Variants in NCKAP1L observed in about 807,000 individuals in gnomAD.
NCKAP1L encodes the protein nck-associated protein 1-like.
In NCKAP1L, 53 loss-of-function variants were observed where a neutral mutation model predicts 139.2. The observed-to-expected ratio is 0.38, with a 90% confidence interval of 0.31 to 0.48. The LOEUF is 0.48. Ranked by LOEUF, NCKAP1L falls within the 20% of genes least tolerant of loss-of-function variation. NCKAP1L has a pLI of 0.98. For synonymous variants in NCKAP1L, 468 were observed against 499.7 expected (o/e 0.94, Z 0.85); for missense variants, 1,151 against 1,381.9 (o/e 0.83, Z 2.65).
intron 4 of NCKAP1L, 121 bp from the exon 5 acceptor site, chr12:54,508,268 T>A: frequency 9.5e-7 from 1 of 1,057,062 alleles, no homozygotes; most frequent in South Asian, 1.6e-5. Context: ...TCCTGTCAGT[T>A]CCTACTTCTA....
chr12:54,518,688 T>G lies in NCKAP1L; in HGVS notation c.1376T>G (p.Met459Arg). The G allele has an allele frequency of 6.2e-7, 1 of 1,614,166 alleles. No individual in the cohort carries two copies. The highest frequency in any genetic ancestry group is 8.5e-7 in the Non-Finnish European group (1 of 1,179,988). Residue 459 changes from methionine to arginine, a missense_variant, in exon 14 of 31, where the codon ATG becomes AGG. Met to Arg is a moderately conservative substitution (Grantham distance 91). Coordinates refer to ENST00000293373, the MANE Select transcript of NCKAP1L (RefSeq NM_005337.5). ...TGTCCAGAGGAGGAGTCCATCATCA[T>G]GTCCTCATTCGTCAGTATCCTCTCC... ...SVCPEEESII[M>R]SSFVSILSSL...
rs752668680 is a variant in NCKAP1L, at chr12:54,516,194, A to T, written c.942-45A>T. The T allele has an allele frequency of 2.2e-5, 36 of 1,609,584 alleles. No homozygotes were observed. In the Admixed American group the frequency reaches 5.7e-4, roughly 25 times the overall value. On this transcript the variant is annotated intron_variant, in intron 9 of 30. Coordinates refer to ENST00000293373, the MANE Select transcript of NCKAP1L (RefSeq NM_005337.5). ...ACTGGGAAGGTGAGGCAAGGGCCCT[A>T]ATGGGTAGCATGGTCAACCCCATTG...
Position 54,517,564 on chromosome 12 carries a change from T to C in NCKAP1L, c.1127T>C (p.Ile376Thr), listed in dbSNP as rs1344141097. ...TTTGCTTTCATGGCCCTGTCCTTCA[T>C]TCGTGATGAGGTCACCTGGCTGGTT... ...ALFAFMALSF[I>T]RDEVTWLVRH... The change falls in exon 12 of 31, where the codon ATT (isoleucine) becomes ACT (threonine). Residue 376 changes from isoleucine to threonine, a missense_variant. Coordinates refer to ENST00000293373, the MANE Select transcript of NCKAP1L (RefSeq NM_005337.5). The C allele has an allele frequency of 4.3e-6, 7 of 1,614,180 alleles. No homozygotes were observed. Among genetic ancestry groups the C allele is most frequent in the Non-Finnish European group, 5.9e-6 (7 of 1,180,000 alleles).
intron 27 of NCKAP1L, among the ~76,000 whole-genome samples, chr12:54,535,406 C>T (rs949956527): frequency 3.9e-5 from 6 of 152,174 alleles, no homozygotes; most frequent in Non-Finnish European, 2.9e-5. Flanking sequence ...GATCTACATC[C>T]TCAGGTTCCA....
chr12:54,531,448 C>T, intron 23 of NCKAP1L, 43 bp from the exon 24 acceptor site: 2 of 1,608,928 alleles, frequency 1.2e-6, no homozygotes, highest in East Asian at 2.2e-5. Flanking sequence ...TAACATTGGT[C>T]TCTTCTTTTC....
At chr12:54,536,445 A>G in intron 28 of NCKAP1L, 200 bp downstream of exon 28, 2 of 468,836 alleles carry the variant, frequency 4.3e-6, no homozygotes, top group South Asian at 2.2e-5. Context: ...TGGGTAGATC[A>G]CTTGAGCCCA....
chr12:54,517,898 T>G lies in NCKAP1L; in HGVS notation c.1298T>G (p.Leu433Trp). The change falls in exon 13 of 31, where the codon TTG (leucine) becomes TGG (tryptophan). Residue 433 changes from leucine to tryptophan, a missense_variant. By Grantham distance (61) the Leu-to-Trp change is moderately conservative (BLOSUM62 -2). Transcript: ENST00000293373. ...ATACAGCAATACCACCTTCAGTACTTGGCAAGATTTGATGCTCTTGTGCTC... is the reference window on the plus strand; with the variant it reads ...ATACAGCAATACCACCTTCAGTACTGGGCAAGATTTGATGCTCTTGTGCTC... ...KVIQQYHLQY[L>W]ARFDALVLSD... 6.2e-7 allele frequency: 1 copy of G among 1,614,168 alleles called. No homozygotes were observed. Among genetic ancestry groups the G allele is most frequent in the Non-Finnish European group, 8.5e-7 (1 of 1,180,014 alleles).
chr12:54,513,257 G>T (rs559299672), intron 9 of NCKAP1L, among the ~76,000 whole-genome samples: 1 of 152,338 alleles, frequency 6.6e-6, no homozygotes, highest in Non-Finnish European at 1.5e-5. Flanking sequence ...AGATAAGAGA[G>T]CATGTGATAA....
At chr12:54,502,629 A>T (rs918818609) in intron 3 of NCKAP1L, among the ~76,000 whole-genome samples, 6 of 152,074 alleles carry the variant, frequency 3.9e-5, no homozygotes, top group African/African-American at 1.4e-4. Context: ...TAATATAATT[A>T]TCATACTCAG....
At chr12:54,532,085 TCC>T in intron 25 of NCKAP1L, 83 bp from the exon 26 acceptor site, 3 of 985,062 alleles carry the variant, frequency 3.0e-6, no homozygotes, top group Non-Finnish European at 4.4e-6. Flanking sequence ...TGAGTGCCCC[TCC>T]TTTTTTTTTT....
intron 22 of NCKAP1L, among the ~76,000 whole-genome samples, chr12:54,529,037 G>C (rs1957047833): frequency 6.6e-6 from 1 of 152,100 alleles, no homozygotes; most frequent in South Asian, 2.1e-4. Flanking sequence ...ATTTATTGTG[G>C]GCTAAGTTCT....
Position 54,523,819 on chromosome 12 carries a change from T to G in NCKAP1L, c.2025-6T>G. On this transcript the variant is annotated splice_polypyrimidine_tract_variant and splice_region_variant and intron_variant, in intron 19 of 30. Transcript: ENST00000293373. ...ACCTGTAATCCAGGCTCATTTTCCT[T>G]TCTAGCATGGACAAGCTACACCTAA... 6.2e-7 allele frequency: 1 copy of G among 1,612,428 alleles called. No homozygotes were observed. Among genetic ancestry groups the G allele is most frequent in the Non-Finnish European group, 8.5e-7 (1 of 1,179,028 alleles).
intron 3 of NCKAP1L, among the ~76,000 whole-genome samples, chr12:54,506,892 C>G (rs7133002): frequency 0.11 from 15,699 of 142,526 alleles, 1,223 homozygotes; most frequent in African/African-American, 0.22. Context: ...AGGCTAGGAA[C>G]TAGGAACAAA....
At chr12:54,532,940 CTT>C (rs1466450044) in intron 26 of NCKAP1L, among the ~76,000 whole-genome samples, 1 of 152,200 alleles carries the variant, frequency 6.6e-6, no homozygotes, top group Non-Finnish European at 1.5e-5. Context: ...GGCTCCTTCT[CTT>C]ATAATTGATT....
intron 10 of NCKAP1L, 150 bp downstream of exon 10, chr12:54,516,445 C>CT (rs1471142965): frequency 9.0e-6 from 6 of 668,242 alleles, no homozygotes; most frequent in South Asian, 2.0e-5. Flanking sequence ...TTTTTCTTTT[C>CT]TTTTCTTTTT....
At chr12:54,511,504 T>C (rs1004518181) in intron 7 of NCKAP1L, among the ~76,000 whole-genome samples, 1 of 152,238 alleles carries the variant, frequency 6.6e-6, no homozygotes, top group African/African-American at 2.4e-5. Flanking sequence ...CCTCTTGGGT[T>C]CAAAAGATCC....
chr12:54,504,895 A>G (rs1299005502), intron 3 of NCKAP1L, among the ~76,000 whole-genome samples: 1 of 152,226 alleles, frequency 6.6e-6, no homozygotes, highest in Non-Finnish European at 1.5e-5. Context: ...TTGTCTGTAG[A>G]GAATAAGACC....
chr12:54,498,570 G>T (rs962166940), intron 1 of NCKAP1L, among the ~76,000 whole-genome samples: 3 of 152,074 alleles, frequency 2.0e-5, no homozygotes, highest in South Asian at 2.1e-4. Context: ...GGGGACTTTG[G>T]GGGAGGGAGC....
At chr12:54,516,192 C>T (rs998255239) in intron 9 of NCKAP1L, 47 bp from the exon 10 acceptor site, 1 of 1,607,422 alleles carries the variant, frequency 6.2e-7, no homozygotes, top group Non-Finnish European at 8.5e-7. Flanking sequence ...GGCAAGGGCC[C>T]TAATGGGTAG....
Sources: allele counts gnomAD v4.1 joint callset (sites outside exome capture counted in the v4.1 genomes callset), GRCh38; gene constraint gnomAD v4.1.1; transcripts MANE v1.5; gene names NCBI Gene and HGNC (gene_info 2026-07-23, HGNC 2026-07-21).